The following MIS18A variants were observed in gnomAD, a reference collection of about 807,000 sequenced individuals.
MIS18A encodes the protein protein Mis18-alpha.
In MIS18A, 14 loss-of-function variants were observed where a neutral mutation model predicts 25.0. The observed-to-expected ratio is 0.56, with a 90% CI of 0.37 to 0.88. The LOEUF is 0.88. Among genes scored for constraint, MIS18A ranks in the 40% least tolerant of loss-of-function variants. The probability of loss-of-function intolerance (pLI) is 0.00; values close to 1 mark genes in which losing one functional copy is unlikely to be tolerated. For synonymous variants in MIS18A, 134 were observed against 118.6 expected (o/e 1.13, Z -0.84); for missense variants, 292 against 290.8 (o/e 1.00, Z -0.03).
At chr21:32,245,314 C>T in the MIS18A span, among the ~76,000 whole-genome samples, 2 of 152,170 alleles carry the variant, frequency 1.3e-5, no homozygotes, top group African/African-American at 2.4e-5. Flanking sequence ...GTGTTCCCTT[C>T]CGCCTACACA....
the MIS18A span, among the ~76,000 whole-genome samples, chr21:32,243,438 G>T: frequency 6.6e-6 from 1 of 152,152 alleles, no homozygotes; most frequent in Admixed American, 6.5e-5. Flanking sequence ...GAATAGGTGT[G>T]TTACCAAATG....
chr21:32,234,104 A>C, the MIS18A span, among the ~76,000 whole-genome samples: 3 of 152,248 alleles, frequency 2.0e-5, no homozygotes, highest in Non-Finnish European at 4.4e-5. Flanking sequence ...ACATCCGTTC[A>C]TTATTTGTGA....
At chr21:32,265,555 A>G (rs2031580883), downstream of MIS18A, among the ~76,000 whole-genome samples, 3 of 152,348 alleles carry the variant, frequency 2.0e-5, no homozygotes, top group South Asian at 6.2e-4. Flanking sequence ...GCCAGGCCTT[A>G]GCTGCCTTCC....
chr21:32,201,380 G>A, the MIS18A span, among the ~76,000 whole-genome samples: 2 of 151,694 alleles, frequency 1.3e-5, no homozygotes, highest in African/African-American at 2.4e-5. Context: ...CCTTATATTC[G>A]TCCCCCACTT....
At chr21:32,198,907 A>G in the MIS18A span, among the ~76,000 whole-genome samples, 22,391 of 127,472 alleles carry the variant, frequency 0.18, 1,713 homozygotes, top group East Asian at 0.26. Flanking sequence ...GGCTCTGTCT[A>G]AAAAAAAAAA....
chr21:32,259,220 T>G, the MIS18A span, among the ~76,000 whole-genome samples: 1 of 151,932 alleles, frequency 6.6e-6, no homozygotes, highest in Non-Finnish European at 1.5e-5. Flanking sequence ...ACCCTGAGAG[T>G]GGCCAGGGGC....
At chr21:32,213,591 C>T in the MIS18A span, among the ~76,000 whole-genome samples, 1 of 152,168 alleles carries the variant, frequency 6.6e-6, no homozygotes, top group Non-Finnish European at 1.5e-5. Context: ...ACTCTGTACC[C>T]TTTTCTACCT....
downstream of MIS18A, among the ~76,000 whole-genome samples, chr21:32,266,300 A>G (rs1455216009): frequency 6.6e-6 from 1 of 152,184 alleles, no homozygotes; most frequent in Non-Finnish European, 1.5e-5. Flanking sequence ...AAACGCACCA[A>G]TCAGCGCCCT....
the MIS18A span, among the ~76,000 whole-genome samples, chr21:32,172,343 G>A: frequency 8.6e-5 from 13 of 152,012 alleles, no homozygotes; most frequent in African/African-American, 2.4e-4. Context: ...CCGTGCTTCC[G>A]TGTTCATTGC....
At chr21:32,244,000 C>A in the MIS18A span, among the ~76,000 whole-genome samples, 1 of 151,884 alleles carries the variant, frequency 6.6e-6, no homozygotes, top group South Asian at 2.1e-4. Context: ...CACTATAAAA[C>A]TGGAAACCAC....
At chr21:32,200,849 C>T in the MIS18A span, among the ~76,000 whole-genome samples, 1 of 152,154 alleles carries the variant, frequency 6.6e-6, no homozygotes, top group African/African-American at 2.4e-5. Flanking sequence ...TAGAGCACTC[C>T]TAATTATCTA....
At chr21:32,237,293 A>G in the MIS18A span, among the ~76,000 whole-genome samples, 1 of 152,154 alleles carries the variant, frequency 6.6e-6, no homozygotes, top group Non-Finnish European at 1.5e-5. Context: ...AGAGAAACAA[A>G]CCTTGATGCT....
the MIS18A span, among the ~76,000 whole-genome samples, chr21:32,170,490 A>C: frequency 1.3e-5 from 2 of 152,132 alleles, no homozygotes; most frequent in Non-Finnish European, 2.9e-5. Flanking sequence ...TAGAATAACT[A>C]AATTGAAAAT....
At chr21:32,278,568 T>TA (rs1410419897) in intron 1 of MIS18A, 113 bp downstream of exon 1, 3 of 1,155,536 alleles carry the variant, frequency 2.6e-6, no homozygotes, top group African/African-American at 3.2e-5. Flanking sequence ...TTTTTGCTCT[T>TA]AAAGTCCCTG....
chr21:32,231,405 T>A, the MIS18A span, among the ~76,000 whole-genome samples: 7 of 152,138 alleles, frequency 4.6e-5, no homozygotes, highest in South Asian at 1.5e-3. Flanking sequence ...ACCATGAAGA[T>A]AATACAAATG....
chr21:32,215,662 C>A, the MIS18A span, among the ~76,000 whole-genome samples: 30 of 152,230 alleles, frequency 2.0e-4, no homozygotes, highest in Admixed American at 1.6e-3. Flanking sequence ...CAAAGATAGC[C>A]GCTGCCTTTC....
chr21:32,263,503 A>T (rs1165358463), downstream of MIS18A, among the ~76,000 whole-genome samples: 1 of 152,206 alleles, frequency 6.6e-6, no homozygotes, highest in Non-Finnish European at 1.5e-5. Flanking sequence ...TGGGAGGCTG[A>T]GGCCCAAGAA....
the MIS18A span, among the ~76,000 whole-genome samples, chr21:32,154,818 C>A: frequency 6.6e-6 from 1 of 152,122 alleles, no homozygotes; most frequent in African/African-American, 2.4e-5. Context: ...AGACTTATAG[C>A]CAATTAATTG....
intron 1 of MIS18A, among the ~76,000 whole-genome samples, chr21:32,276,985 ATAGT>A (rs1445925561): frequency 2.0e-5 from 3 of 152,242 alleles, no homozygotes; most frequent in Non-Finnish European, 4.4e-5. Context: ...TTAAAAAATC[ATAGT>A]TAGGCTGTTA....
Sources: allele counts gnomAD v4.1 joint callset (sites outside exome capture counted in the v4.1 genomes callset), GRCh38; gene constraint gnomAD v4.1.1; transcripts MANE v1.5; gene names NCBI Gene and HGNC (gene_info 2026-07-23, HGNC 2026-07-21).